The following HNRNPC variants were observed in gnomAD, a reference collection of about 807,000 sequenced individuals.
HNRNPC encodes the protein heterogeneous nuclear ribonucleoprotein C.
HNRNPC carries 3 observed loss-of-function variants against 33.2 expected under a neutral mutation model. The observed-to-expected ratio is 0.09, with a 90% CI of 0.04 to 0.23. The LOEUF (loss-of-function observed/expected upper bound fraction) is 0.23. HNRNPC is among the 10% of genes least tolerant of loss of function. HNRNPC has a pLI of 1.00. For synonymous variants in HNRNPC, 121 were observed against 126.7 expected, an observed-to-expected ratio of 0.96 and a Z score of 0.30; for missense variants, 143 against 366.7, an observed-to-expected ratio of 0.39 and a Z score of 4.98.
intron 2 of HNRNPC, among the ~76,000 whole-genome samples, chr14:21,258,618 T>G (rs1170711917): frequency 6.6e-6 from 1 of 152,188 alleles, no homozygotes; most frequent in Non-Finnish European, 1.5e-5. Flanking sequence ...TAACACAAAC[T>G]CACAACTTTA....
intron 5 of HNRNPC, among the ~76,000 whole-genome samples, chr14:21,226,878 C>CAAAAAA (rs71419112): frequency 2.6e-5 from 1 of 39,040 alleles, no homozygotes; most frequent in Non-Finnish European, 4.6e-5. Context: ...GACTCCATCT[C>CAAAAAA]AAAAAAAAAA....
At chr14:21,225,851 T>G (rs1366924268) in intron 5 of HNRNPC, among the ~76,000 whole-genome samples, 1 of 152,140 alleles carries the variant, frequency 6.6e-6, no homozygotes, top group Non-Finnish European at 1.5e-5. Flanking sequence ...ATTTCATGGG[T>G]GATCAATTAT....
chr14:21,244,396 C>T (rs900376916), intron 2 of HNRNPC, among the ~76,000 whole-genome samples: 1 of 152,212 alleles, frequency 6.6e-6, no homozygotes, highest in Non-Finnish European at 1.5e-5. Flanking sequence ...GGTCTTAAAA[C>T]ATCTCGATGT....
intron 2 of HNRNPC, among the ~76,000 whole-genome samples, chr14:21,247,914 A>G (rs187102548): frequency 4.0e-4 from 61 of 151,948 alleles, no homozygotes; most frequent in African/African-American, 1.4e-3. Context: ...TCGCCAGAAC[A>G]TGGGAGGCGG....
intron 2 of HNRNPC, among the ~76,000 whole-genome samples, chr14:21,247,132 A>C (rs1468692277): frequency 6.6e-6 from 1 of 152,160 alleles, no homozygotes; most frequent in Non-Finnish European, 1.5e-5. Context: ...GTCAACTGTA[A>C]ATATAAGAAT....
At chr14:21,224,484 C>G (rs780569933) in intron 5 of HNRNPC, among the ~76,000 whole-genome samples, 3 of 152,120 alleles carry the variant, frequency 2.0e-5, no homozygotes, top group Non-Finnish European at 4.4e-5. Context: ...CATCTAGTCA[C>G]GAAGACAAAA....
chr14:21,230,334 C>T lies in HNRNPC; in HGVS notation c.350G>A (p.Arg117Gln). The change falls in exon 5 of 9, where the codon CGG (arginine) becomes CAG (glutamine). Residue 117 changes from arginine (R) to glutamine (Q), a missense_variant. Transcript: ENST00000553300. ...SSFDLDYDFQ[R>Q]DYYDRMYSYP... ...TTTAACATACCTATCATAATAGTCC[C>T]GTTGAAAGTCATAGTCCAAGTCAAA... 1.2e-6 allele frequency: 2 copies of T among 1,608,358 alleles called. No individual in the cohort carries two copies. Among genetic ancestry groups the T allele is most frequent in the Non-Finnish European group, 1.7e-6 (2 of 1,175,352 alleles).
intron 5 of HNRNPC, among the ~76,000 whole-genome samples, chr14:21,220,830 T>TA (rs1448339372): frequency 7.5e-5 from 10 of 134,190 alleles, no homozygotes; most frequent in Non-Finnish European, 1.2e-4. Flanking sequence ...AGGTATTTAT[T>TA]TAAAAAAAAA....
chr14:21,220,933 CA>C (rs1011962929), intron 5 of HNRNPC, among the ~76,000 whole-genome samples: 1 of 151,772 alleles, frequency 6.6e-6, no homozygotes, highest in Non-Finnish European at 1.5e-5. Context: ...CTAAAATACA[CA>C]AAAAAAGTCA....
rs1484639800 is a variant in HNRNPC, at chr14:21,247,926, G to C, written c.-36-13697C>G. ...GAATCGCCAGAACATGGGAGGCGGAGGTTGCAGTGAGCCGAGATCACGCCA... is the reference window on the plus strand; with the variant it reads ...GAATCGCCAGAACATGGGAGGCGGACGTTGCAGTGAGCCGAGATCACGCCA... On this transcript the variant is annotated intron_variant, in intron 2 of 8. Transcript: ENST00000553300. Among the ~76,000 whole-genome samples, 3 of 151,926 alleles carry C rather than the reference G, an allele frequency of 2.0e-5. No individual in the cohort carries two copies. In the South Asian group the frequency reaches 6.2e-4, roughly 32 times the overall value.
intron 5 of HNRNPC, among the ~76,000 whole-genome samples, chr14:21,226,471 G>A (rs1259747660): frequency 6.6e-6 from 1 of 151,922 alleles, no homozygotes; most frequent in Non-Finnish European, 1.5e-5. Context: ...AACAACTACA[G>A]CTTTGAATAC....
At position 21,211,186 on chromosome 14, in the gene HNRNPC, A is replaced by C. The variant is rs1566589967; in HGVS notation, c.*37T>G. ...ATCTTAGACAAGCGCCTAGGTAAAG[A>C]AATAATGGGATAAGATTTCTAAACC... is the stretch of plus-strand genomic sequence containing the variant. On this transcript the variant is annotated 3_prime_UTR_variant, in exon 9 of 9. Coordinates refer to ENST00000553300, the MANE Select transcript of HNRNPC (RefSeq NM_004500.4). 1.2e-6 allele frequency: 2 copies of C among 1,602,836 alleles called. No homozygotes were observed. The highest frequency in any genetic ancestry group is 1.7e-6 in the Non-Finnish European group (2 of 1,171,148).
intron 1 of HNRNPC, chr14:21,265,079 A>T (rs1878756738): frequency 6.6e-6 from 1 of 152,202 alleles, no homozygotes; most frequent in Non-Finnish European, 1.5e-5. Context: ...GAATGACTAC[A>T]GCAGCAACAA....
chr14:21,247,158 T>C (rs1240535624), intron 2 of HNRNPC, among the ~76,000 whole-genome samples: 1 of 152,220 alleles, frequency 6.6e-6, no homozygotes, highest in African/African-American at 2.4e-5. Flanking sequence ...TTTATCAATG[T>C]AATCCTAACC....
At chr14:21,232,678 T>C (rs538291392) in intron 3 of HNRNPC, among the ~76,000 whole-genome samples, 9 of 152,282 alleles carry the variant, frequency 5.9e-5, no homozygotes, top group Non-Finnish European at 1.0e-4. Flanking sequence ...AATGTGGATA[T>C]CTTAAACTTA....
At chr14:21,249,851 C>T (rs1482879342) in intron 2 of HNRNPC, among the ~76,000 whole-genome samples, 2 of 152,106 alleles carry the variant, frequency 1.3e-5, no homozygotes, top group East Asian at 3.8e-4. Flanking sequence ...GTTCCAGAAT[C>T]TGTAAGTATC....
chr14:21,263,204 A>C (rs181797302), intron 2 of HNRNPC, 107 bp downstream of exon 2: 1 of 152,518 alleles, frequency 6.6e-6, no homozygotes, highest in Non-Finnish European at 1.5e-5. Flanking sequence ...CATCACCATC[A>C]TAAGTATTAA....
At chr14:21,254,298 A>G (rs1267774002) in intron 2 of HNRNPC, among the ~76,000 whole-genome samples, 1 of 152,152 alleles carries the variant, frequency 6.6e-6, no homozygotes. Flanking sequence ...ATTATAGAGT[A>G]TATAATACTA....
intron 2 of HNRNPC, among the ~76,000 whole-genome samples, chr14:21,256,566 T>C (rs1470313218): frequency 6.6e-6 from 1 of 152,154 alleles, no homozygotes; most frequent in East Asian, 1.9e-4. Context: ...TATATAATAA[T>C]GCACAGGAGA....
Sources: allele counts gnomAD v4.1 joint callset (sites outside exome capture counted in the v4.1 genomes callset), GRCh38; gene constraint gnomAD v4.1.1; transcripts MANE v1.5; gene names NCBI Gene and HGNC (gene_info 2026-07-23, HGNC 2026-07-21).